WDR70: variants seen among roughly 807,000 people sequenced by gnomAD.
The protein encoded by WDR70 is WD repeat domain 70, also known as WD repeat-containing protein 70.
Under a neutral mutation model 88.6 loss-of-function variants are expected in WDR70, and 53 were observed. The ratio of observed to expected loss-of-function variants is 0.60; its 90% CI spans 0.48 to 0.75. The LOEUF is 0.75. WDR70 is among the 30% of genes least tolerant of loss of function. WDR70 has a pLI of 0.00. For missense variants in WDR70, 610 were observed against 823.2 expected (o/e 0.74, Z 3.17); for synonymous variants, 280 against 270.0 (o/e 1.04, Z -0.36).
intron 9 of WDR70, among the ~76,000 whole-genome samples, chr5:37,570,049 A>T (rs1742856783): frequency 6.6e-6 from 1 of 152,144 alleles, no homozygotes; most frequent in Non-Finnish European, 1.5e-5. Context: ...TGGAGGGTAG[A>T]CTGAAAGGAA....
rs1393027659 is a variant in WDR70 at position 37,632,815 on chromosome 5, C to CAGT, written c.1092+27579_1092+27581dup. Among the ~76,000 whole-genome samples the CAGT allele has an allele frequency of 2.0e-5, 3 of 152,218 alleles. No homozygotes were observed. In the East Asian group the frequency reaches 5.8e-4, roughly 29 times the overall value. ...CATTTATAAAGTGTACAATAGTGTACAGTAATGTCCTAGACCTTCACATTC... is the reference window on the plus strand; with the variant it reads ...CATTTATAAAGTGTACAATAGTGTACAGTAGTAATGTCCTAGACCTTCACATTC... On this transcript the variant is annotated intron_variant, in intron 10 of 17. Transcript: ENST00000265107.
At chr5:37,613,497 G>A (rs562743533) in intron 10 of WDR70, among the ~76,000 whole-genome samples, 19 of 152,256 alleles carry the variant, frequency 1.2e-4, no homozygotes, top group African/African-American at 4.3e-4. Flanking sequence ...AAACTGATTT[G>A]TCTTATAATT....
intron 13 of WDR70, among the ~76,000 whole-genome samples, chr5:37,708,317 T>A (rs1747416328): frequency 6.6e-6 from 1 of 151,678 alleles, no homozygotes. Flanking sequence ...AGAGGCTAAC[T>A]CTACAGTTTG....
intron 10 of WDR70, among the ~76,000 whole-genome samples, chr5:37,606,888 C>A (rs1349018208): frequency 3.7e-5 from 1 of 27,180 alleles, no homozygotes; most frequent in African/African-American, 1.9e-4. Context: ...TTGCTCCCCC[C>A]TCCCCTCCCC....
intron 5 of WDR70, among the ~76,000 whole-genome samples, chr5:37,424,554 A>G (rs1015704458): frequency 2.0e-5 from 3 of 151,664 alleles, no homozygotes; most frequent in African/African-American, 7.3e-5. Context: ...ACAAGTGCGC[A>G]CCACCATGCC....
intron 10 of WDR70, among the ~76,000 whole-genome samples, chr5:37,656,252 C>A (rs1412315763): frequency 6.6e-6 from 1 of 152,180 alleles, no homozygotes; most frequent in Non-Finnish European, 1.5e-5. Context: ...ACCCTGTTTG[C>A]CTGGGTATCA....
At chr5:37,719,897 C>T (rs1410185963) in intron 13 of WDR70, among the ~76,000 whole-genome samples, 3 of 149,758 alleles carry the variant, frequency 2.0e-5, no homozygotes, top group African/African-American at 7.4e-5. Flanking sequence ...GGCTGGAATG[C>T]AGTGGCACAA....
intron 13 of WDR70, among the ~76,000 whole-genome samples, chr5:37,703,869 C>T (rs902647776): frequency 6.6e-6 from 1 of 152,154 alleles, no homozygotes; most frequent in African/African-American, 2.4e-5. Flanking sequence ...GGCTCATTGT[C>T]AAATCTTTTA....
intron 11 of WDR70, among the ~76,000 whole-genome samples, chr5:37,698,744 C>G (rs1484617516): frequency 6.6e-6 from 1 of 152,152 alleles, no homozygotes; most frequent in Non-Finnish European, 1.5e-5. Context: ...AGATGTGGCA[C>G]AGCTTTCCCC....
intron 7 of WDR70, among the ~76,000 whole-genome samples, chr5:37,468,675 A>G (rs1739234790): frequency 6.6e-6 from 1 of 152,196 alleles, no homozygotes; most frequent in African/African-American, 2.4e-5. Context: ...CTACTATGCA[A>G]TAGGACACCA....
intron 9 of WDR70, among the ~76,000 whole-genome samples, chr5:37,551,634 A>G (rs886685322): frequency 2.6e-5 from 4 of 151,170 alleles, no homozygotes; most frequent in Non-Finnish European, 4.4e-5. Flanking sequence ...AGGCTGAGGC[A>G]GGAGAATCGC....
chr5:37,526,814 A>G (rs186446310), intron 9 of WDR70, among the ~76,000 whole-genome samples: 2 of 152,322 alleles, frequency 1.3e-5, no homozygotes, highest in Admixed American at 6.5e-5. Flanking sequence ...ACGTGCAAAA[A>G]TCACAAGCAT....
chr5:37,558,570 C>T (rs2112368865), intron 9 of WDR70, among the ~76,000 whole-genome samples: 1 of 152,218 alleles, frequency 6.6e-6, no homozygotes, highest in East Asian at 1.9e-4. Context: ...AAACAATCCA[C>T]CCGCCTCAGC....
chr5:37,712,358 A>T (rs2072676722), intron 13 of WDR70, among the ~76,000 whole-genome samples: 1 of 152,234 alleles, frequency 6.6e-6, no homozygotes, highest in African/African-American at 2.4e-5. Context: ...TTAAAACTTT[A>T]GATGATCCTT....
At chr5:37,641,082 G>C (rs1745089381) in intron 10 of WDR70, among the ~76,000 whole-genome samples, 1 of 152,108 alleles carries the variant, frequency 6.6e-6, no homozygotes, top group Non-Finnish European at 1.5e-5. Context: ...ATGACCTTTA[G>C]CCTTTTCTCT....
chr5:37,532,057 G>A (rs1741509442), intron 9 of WDR70, among the ~76,000 whole-genome samples: 1 of 152,096 alleles, frequency 6.6e-6, no homozygotes, highest in South Asian at 2.1e-4. Flanking sequence ...GCTGAAAATT[G>A]TTTTGTTTAA....
intron 10 of WDR70, among the ~76,000 whole-genome samples, chr5:37,608,732 G>GT (rs1018723480): frequency 6.6e-6 from 1 of 151,792 alleles, no homozygotes; most frequent in Non-Finnish European, 1.5e-5. Flanking sequence ...TAATTTTCTT[G>GT]TTTTTTATAG....
chr5:37,656,948 C>G (rs1049569363), intron 10 of WDR70, among the ~76,000 whole-genome samples: 3 of 152,164 alleles, frequency 2.0e-5, no homozygotes, highest in East Asian at 3.9e-4. Context: ...GGGGCGGGAT[C>G]TGCTGAGCTA....
chr5:37,605,107 A>G lies in WDR70; in HGVS notation c.961A>G (p.Ser321Gly), dbSNP rs896087569. ...WEVENPKKQK[S>G]VFKPRTMQGK... ...AGTTGAAAATCCAAAGAAGCAAAAA[A>G]GTGTGTTTAAACCACGGACGATGCA... The change falls in exon 10 of 18, where the codon AGT becomes GGT. Residue 321 changes from serine to glycine, a missense_variant. Ser to Gly is a moderately conservative substitution (Grantham distance 56, BLOSUM62 0). Transcript: ENST00000265107. The G allele has an allele frequency of 1.9e-6, 3 of 1,612,796 alleles. No homozygotes were observed. The highest frequency in any genetic ancestry group is 2.5e-6 in the Non-Finnish European group (3 of 1,179,346).
Sources: gnomAD v4.1 joint callset for allele counts (sites outside exome capture counted in the v4.1 genomes callset) on GRCh38, gnomAD v4.1.1 for gene constraint, MANE v1.5 for transcripts, NCBI Gene and HGNC (gene_info 2026-07-23, HGNC 2026-07-21) for gene names.